Variants in BRINP1 observed in about 807,000 individuals in gnomAD.
The protein encoded by BRINP1 is BMP/retinoic acid-inducible neural-specific protein 1.
BRINP1 carries 17 observed loss-of-function variants against 72.9 expected under a neutral mutation model. The observed-to-expected ratio is 0.23, with a 90% confidence interval of 0.16 to 0.35. The LOEUF (loss-of-function observed/expected upper bound fraction) is 0.35, where lower values mean the gene tolerates loss of function less well. Ranked by LOEUF, BRINP1 falls within the 10% of genes least tolerant of loss-of-function variation. The probability of loss-of-function intolerance (pLI) is 1.00; values close to 1 mark genes in which losing one functional copy is unlikely to be tolerated. For synonymous variants in BRINP1, 418 were observed against 378.5 expected (o/e 1.10, Z -1.21); for missense variants, 850 against 1,001.6 (o/e 0.85, Z 2.04).
intron 1 of BRINP1, among the ~76,000 whole-genome samples, chr9:119,320,231 T>A (rs762452191): frequency 3.9e-5 from 6 of 152,054 alleles, no homozygotes; most frequent in Non-Finnish European, 7.4e-5. Flanking sequence ...GCAGAGTACT[T>A]AGGGAGAACC....
chr9:119,181,262 G>A (rs1198239321), intron 7 of BRINP1, among the ~76,000 whole-genome samples: 1 of 152,114 alleles, frequency 6.6e-6, no homozygotes, highest in African/African-American at 2.4e-5. Flanking sequence ...GAAATAAGAG[G>A]GGACTACCCA....
intron 3 of BRINP1, among the ~76,000 whole-genome samples, chr9:119,245,430 G>A (rs556007478): frequency 6.6e-6 from 1 of 152,302 alleles, no homozygotes; most frequent in South Asian, 2.1e-4. Context: ...TGTCACACAG[G>A]CACCCAGTCT....
intron 5 of BRINP1, among the ~76,000 whole-genome samples, chr9:119,234,139 G>A (rs1368006070): frequency 9.9e-5 from 15 of 152,128 alleles, no homozygotes; most frequent in Non-Finnish European, 1.2e-4. Context: ...TTTCATAGGA[G>A]TCAGGATTGA....
At chr9:119,191,462 G>A (rs1829683598) in intron 7 of BRINP1, among the ~76,000 whole-genome samples, 3 of 151,604 alleles carry the variant, frequency 2.0e-5, no homozygotes, top group Admixed American at 2.0e-4. Flanking sequence ...TAAGATACAA[G>A]AATGAGTAGC....
chr9:119,172,276 C>T (rs867954605), intron 7 of BRINP1, among the ~76,000 whole-genome samples: 4 of 152,044 alleles, frequency 2.6e-5, no homozygotes, highest in South Asian at 4.1e-4. Flanking sequence ...CAAATAGACG[C>T]AATAAAAAAT....
chr9:119,350,929 T>C (rs1340599160), intron 1 of BRINP1, among the ~76,000 whole-genome samples: 1 of 151,778 alleles, frequency 6.6e-6, no homozygotes, highest in Non-Finnish European at 1.5e-5. Context: ...CTTCAAGTTC[T>C]GGGATACATG....
intron 1 of BRINP1, among the ~76,000 whole-genome samples, chr9:119,352,675 G>A (rs1231094256): frequency 6.6e-6 from 1 of 152,114 alleles, no homozygotes; most frequent in African/African-American, 2.4e-5. Flanking sequence ...CCCCAGTGCT[G>A]GGATTACAGG....
intron 2 of BRINP1, among the ~76,000 whole-genome samples, chr9:119,261,243 T>G (rs1331583787): frequency 1.3e-5 from 2 of 152,164 alleles, no homozygotes; most frequent in African/African-American, 4.8e-5. Flanking sequence ...CATTCTTAAC[T>G]AGGAAATGCT....
At chr9:119,351,144 C>T (rs540850668) in intron 1 of BRINP1, among the ~76,000 whole-genome samples, 3 of 152,202 alleles carry the variant, frequency 2.0e-5, no homozygotes, top group African/African-American at 7.2e-5. Flanking sequence ...TATTCATAAA[C>T]ACATTATATC....
intron 1 of BRINP1, among the ~76,000 whole-genome samples, chr9:119,354,172 G>C (rs539660096): frequency 6.6e-6 from 1 of 151,836 alleles, no homozygotes; most frequent in East Asian, 1.9e-4. Flanking sequence ...CTAATATTCT[G>C]GTTTTTATGG....
chr9:119,359,319 C>T (rs969669329), intron 1 of BRINP1, among the ~76,000 whole-genome samples: 5 of 152,116 alleles, frequency 3.3e-5, no homozygotes, highest in South Asian at 4.1e-4. Context: ...TCAGCACCCC[C>T]GAAGTAGCCA....
chr9:119,208,577 G>A, intron 7 of BRINP1, 142 bp downstream of exon 7: 1 of 746,514 alleles, frequency 1.3e-6, no homozygotes. Flanking sequence ...AGGCAATCCA[G>A]AAAATTGTTG....
intron 2 of BRINP1, among the ~76,000 whole-genome samples, chr9:119,289,823 T>C (rs1482354643): frequency 6.6e-6 from 1 of 152,224 alleles, no homozygotes; most frequent in African/African-American, 2.4e-5. Context: ...ATCACATGGA[T>C]TGATACAATC....
At chr9:119,355,184 C>A (rs997365614) in intron 1 of BRINP1, among the ~76,000 whole-genome samples, 2 of 152,058 alleles carry the variant, frequency 1.3e-5, no homozygotes, top group African/African-American at 4.8e-5. Flanking sequence ...CACTACAACC[C>A]GTCACCCAAA....
chr9:119,322,113 A>G (rs901331695), intron 1 of BRINP1, among the ~76,000 whole-genome samples: 29 of 152,248 alleles, frequency 1.9e-4, no homozygotes, highest in African/African-American at 6.0e-4. Flanking sequence ...CACATCTCCC[A>G]AGCCCCATGC....
intron 7 of BRINP1, among the ~76,000 whole-genome samples, chr9:119,177,050 T>G (rs1829497728): frequency 1.3e-5 from 2 of 152,214 alleles, no homozygotes; most frequent in South Asian, 4.2e-4. Flanking sequence ...AGAGGAGAGG[T>G]CCCTTCTTCT....
At chr9:119,272,805 C>A (rs1300011916) in intron 2 of BRINP1, among the ~76,000 whole-genome samples, 1 of 152,206 alleles carries the variant, frequency 6.6e-6, no homozygotes, top group Non-Finnish European at 1.5e-5. Flanking sequence ...CGTACTAGCT[C>A]TCTCTGTTAT....
intron 2 of BRINP1, among the ~76,000 whole-genome samples, chr9:119,302,384 G>T (rs1444753107): frequency 6.6e-6 from 1 of 152,032 alleles, no homozygotes. Flanking sequence ...AGATTTTCAT[G>T]TATTGTTTTT....
chr9:119,175,016 T>C (rs1183939497), intron 7 of BRINP1, among the ~76,000 whole-genome samples: 13 of 147,166 alleles, frequency 8.8e-5, no homozygotes, highest in Non-Finnish European at 1.3e-4. Context: ...TACCTAATGC[T>C]AGATGACGAG....
Sources: gnomAD v4.1 joint callset for allele counts (sites outside exome capture counted in the v4.1 genomes callset) on GRCh38, gnomAD v4.1.1 for gene constraint, MANE v1.5 for transcripts, NCBI Gene and HGNC (gene_info 2026-07-23, HGNC 2026-07-21) for gene names.